CUBN: variants seen among roughly 807,000 people sequenced by gnomAD.
CUBN encodes cubilin, also known as 460 kDa receptor.
Under a neutral mutation model 405.3 loss-of-function variants are expected in CUBN, and 282 were observed. The ratio of observed to expected loss-of-function variants is 0.70; its 90% CI spans 0.63 to 0.77. The LOEUF is 0.77. Among genes scored for constraint, CUBN ranks in the 30% least tolerant of loss-of-function variants. The pLI, the probability that CUBN is intolerant of heterozygous loss-of-function variation, is 0.00. For missense variants in CUBN, 4,514 were observed against 4,475.2 expected, an observed-to-expected ratio of 1.01 and a Z score of -0.25; for synonymous variants, 1,684 against 1,617.0, an observed-to-expected ratio of 1.04 and a Z score of -0.99.
chr10:16,975,019 AGTT>A (rs1833050234), intron 31 of CUBN, among the ~76,000 whole-genome samples: 1 of 152,074 alleles, frequency 6.6e-6, no homozygotes, highest in South Asian at 2.1e-4. Context: ...AGGTATTAGT[AGTT>A]AAGTTTTGGG....
At chr10:17,093,438 G>A (rs560321298) in intron 14 of CUBN, among the ~76,000 whole-genome samples, 1 of 152,068 alleles carries the variant, frequency 6.6e-6, no homozygotes, top group Non-Finnish European at 1.5e-5. Flanking sequence ...TATGCTACAG[G>A]AGTAAGATTC....
chr10:17,001,347 C>T (rs1011623780), intron 28 of CUBN, among the ~76,000 whole-genome samples: 55 of 152,196 alleles, frequency 3.6e-4, no homozygotes, highest in African/African-American at 1.3e-3. Context: ...TATTTGGCCC[C>T]GCCCACATCC....
chr10:17,006,795 A>C (rs1834040621), intron 28 of CUBN, among the ~76,000 whole-genome samples: 1 of 151,414 alleles, frequency 6.6e-6, no homozygotes, highest in Non-Finnish European at 1.5e-5. Context: ...AATTTCTGAA[A>C]CTTCTCAAGG....
chr10:16,863,167 C>T (rs1041997030), intron 59 of CUBN, among the ~76,000 whole-genome samples: 9 of 152,224 alleles, frequency 5.9e-5, no homozygotes, highest in African/African-American at 2.2e-4. Context: ...CAGCAAAAAA[C>T]CTTTCCCCAT....
intron 54 of CUBN, among the ~76,000 whole-genome samples, chr10:16,895,481 G>A (rs1032970242): frequency 6.6e-6 from 1 of 152,086 alleles, no homozygotes; most frequent in Admixed American, 6.6e-5. Flanking sequence ...TTACTGAGAG[G>A]AGAGTGTTGA....
rs572881677 is a variant in CUBN, at chr10:16,850,294, C to A, written c.9663+941G>T. Among the ~76,000 whole-genome samples the A allele has an allele frequency of 3.9e-5, 6 of 152,226 alleles. No individual in the cohort carries two copies. In the South Asian group the frequency reaches 1.2e-3, roughly 32 times the overall value. On this transcript the variant is annotated intron_variant, in intron 60 of 66. Coordinates refer to ENST00000377833, the MANE Select transcript of CUBN (RefSeq NM_001081.4). Reference sequence around the variant, plus strand: ...ATAATTTTCTAATCAGACTTAAGCTCCTCATAAATACAAATCTTGCCATAC... The same window carrying A: ...ATAATTTTCTAATCAGACTTAAGCTACTCATAAATACAAATCTTGCCATAC...
At chr10:16,991,509 TAAA>T (rs1424261788) in intron 28 of CUBN, among the ~76,000 whole-genome samples, 1 of 152,108 alleles carries the variant, frequency 6.6e-6, no homozygotes, top group African/African-American at 2.4e-5. Flanking sequence ...GCAGAAGAGG[TAAA>T]ATTTGAGGAA....
At chr10:17,020,550 A>G (rs1456057329) in intron 27 of CUBN, among the ~76,000 whole-genome samples, 1 of 152,184 alleles carries the variant, frequency 6.6e-6, no homozygotes, top group African/African-American at 2.4e-5. Context: ...ATGAAAAAGG[A>G]AAATACAAAT....
intron 8 of CUBN, among the ~76,000 whole-genome samples, chr10:17,112,586 T>C (rs1836795349): frequency 6.6e-6 from 1 of 152,124 alleles, no homozygotes; most frequent in South Asian, 2.1e-4. Flanking sequence ...CCATGATAAA[T>C]TACCTTCAAA....
intron 51 of CUBN, among the ~76,000 whole-genome samples, chr10:16,901,889 GTATATATATATA>G (rs67084462): frequency 1.6e-4 from 18 of 109,204 alleles, no homozygotes; most frequent in Middle Eastern, 7.1e-3. Flanking sequence ...ACCATATATA[GTATATATATATA>G]TATATATATA....
In CUBN at chr10:17,041,089, T is replaced by G. The variant is rs1420384395; in HGVS notation, c.3961A>C (p.Thr1321Pro). The change falls in exon 27 of 67, where the codon ACA becomes CCA. Residue 1321 changes from threonine to proline, a missense_variant. Coordinates refer to ENST00000377833, the MANE Select transcript of CUBN (RefSeq NM_001081.4). ...RATTGNTVNY[T>P]FLAFDLEHHI... ...TGTTCCAAGTCAAATGCTAAAAATG[T>G]GTAGTTCACAGTGTTGCCTGTTGTT... 3 of 1,613,754 alleles carry G rather than the reference T, an allele frequency of 1.9e-6. No individual in the cohort carries two copies. The highest frequency in any genetic ancestry group is 2.5e-6 in the Non-Finnish European group (3 of 1,179,810).
chr10:17,068,820 A>C (rs2131845810), intron 19 of CUBN, 50 bp from the exon 20 acceptor site: 1 of 1,358,386 alleles, frequency 7.4e-7, no homozygotes, highest in East Asian at 2.3e-5. Flanking sequence ...AATTTTGAAA[A>C]CTGCTTCAAG....
At position 16,835,032 on chromosome 10, in the gene CUBN, G is replaced by C. The variant is rs1397159059; in HGVS notation, c.10344C>G (p.Cys3448Trp). The C allele has an allele frequency of 1.2e-6, 2 of 1,613,906 alleles. No homozygotes were observed. The highest frequency in any genetic ancestry group is 2.7e-5 in the African/African-American group (2 of 74,920). ...ATATCACCTCCAAGAAATCGTTTCTGCATTCAACTGAGTTCTCGATGCCAA... is the reference window on the plus strand; with the variant it reads ...ATATCACCTCCAAGAAATCGTTTCTCCATTCAACTGAGTTCTCGATGCCAA... ...HSLGIENSVE[C>W]RNDFLEVRNG... The change falls in exon 64 of 67, where the codon TGC becomes TGG. Residue 3448 changes from cysteine (C) to tryptophan (W), a missense_variant. Transcript: ENST00000377833.
intron 45 of CUBN, among the ~76,000 whole-genome samples, chr10:16,918,009 C>A (rs957966893): frequency 6.6e-6 from 1 of 152,112 alleles, no homozygotes; most frequent in African/African-American, 2.4e-5. Flanking sequence ...CTTCTGTATA[C>A]TGCTGGCCAG....
intron 31 of CUBN, among the ~76,000 whole-genome samples, chr10:16,976,553 G>T (rs1833102945): frequency 6.6e-6 from 1 of 150,854 alleles, no homozygotes; most frequent in Non-Finnish European, 1.5e-5. Flanking sequence ...TTTGCTGTTT[G>T]GGTTCCTTGA....
chr10:17,066,815 A>G (rs761165010), intron 21 of CUBN, among the ~76,000 whole-genome samples: 2 of 152,212 alleles, frequency 1.3e-5, no homozygotes, highest in Non-Finnish European at 2.9e-5. Flanking sequence ...TAAAATATCA[A>G]AAGATTTCCA....
chr10:17,048,029 G>T (rs148304472), intron 22 of CUBN, among the ~76,000 whole-genome samples: 1 of 152,168 alleles, frequency 6.6e-6, no homozygotes, highest in Non-Finnish European at 1.5e-5. Flanking sequence ...CCTCCACCAC[G>T]GGGTGAAGAA....
chr10:16,863,897 A>C (rs1220831186), intron 59 of CUBN, among the ~76,000 whole-genome samples: 1 of 152,196 alleles, frequency 6.6e-6, no homozygotes, highest in Non-Finnish European at 1.5e-5. Flanking sequence ...GGTAACAGGC[A>C]AAAACTCACA....
chr10:17,015,679 T>C (rs561023220), intron 28 of CUBN, among the ~76,000 whole-genome samples: 1 of 152,326 alleles, frequency 6.6e-6, no homozygotes, highest in East Asian at 1.9e-4. Context: ...AGTCCTGTTG[T>C]TGGATCATCT....
Sources: gnomAD v4.1 joint callset for allele counts (sites outside exome capture counted in the v4.1 genomes callset) on GRCh38, gnomAD v4.1.1 for gene constraint, MANE v1.5 for transcripts, NCBI Gene and HGNC (gene_info 2026-07-23, HGNC 2026-07-21) for gene names.